The following TMPRSS6 variants were observed in gnomAD, a reference collection of about 807,000 sequenced individuals.
TMPRSS6 encodes transmembrane serine protease 6.
Under a neutral mutation model 101.5 loss-of-function variants are expected in TMPRSS6, and 67 were observed. The observed-to-expected ratio is 0.66, with a 90% CI of 0.54 to 0.81. The LOEUF (loss-of-function observed/expected upper bound fraction) is 0.81, where lower values mean the gene tolerates loss of function less well. Ranked by LOEUF, TMPRSS6 falls within the 30% of genes least tolerant of loss-of-function variation. The probability of loss-of-function intolerance (pLI) is 0.00; values close to 1 mark genes in which losing one functional copy is unlikely to be tolerated. For synonymous variants in TMPRSS6, 453 were observed against 464.9 expected, an observed-to-expected ratio of 0.97 and a Z score of 0.33; for missense variants, 1,034 against 1,088.7, an observed-to-expected ratio of 0.95 and a Z score of 0.71.
In TMPRSS6 at chr22:37,095,941, T is replaced by G; in HGVS notation, c.554A>C (p.Glu185Ala). The G allele has an allele frequency of 6.2e-7, 1 of 1,614,162 alleles. No individual in the cohort carries two copies. The highest frequency in any genetic ancestry group is 8.5e-7 in the Non-Finnish European group (1 of 1,180,032). ...NSSAAVPYRA[E>A]YEVDPEGLVI... ...TAGGCCCTCGGGGTCCACTTCGTAC[T>G]CGGCCCTGTAGGGGACGGCAGCCGA... The change falls in exon 5 of 18, where the codon GAG becomes GCG. Residue 185 changes from glutamate to alanine, a missense_variant. Coordinates refer to ENST00000676104, the MANE Select transcript of TMPRSS6 (RefSeq NM_001374504.1).
intron 16 of TMPRSS6, 146 bp from the exon 17 acceptor site, chr22:37,067,108 C>T: frequency 3.4e-6 from 4 of 1,167,474 alleles, no homozygotes; most frequent in Non-Finnish European, 4.9e-6. Context: ...CGCACCTGCC[C>T]CTCTGCCTCC....
At chr22:37,109,198 G>A (rs920595494) in intron 1 of TMPRSS6, 1 of 152,382 alleles carries the variant, frequency 6.6e-6, no homozygotes, top group Non-Finnish European at 1.5e-5. Context: ...CGAGGCAGGG[G>A]TAGGGTGGCC....
intron 10 of TMPRSS6, chr22:37,082,924 C>A (rs1928380624): frequency 4.3e-6 from 2 of 460,494 alleles, no homozygotes; most frequent in Admixed American, 2.5e-5. Context: ...TGTCATTCTT[C>A]GTCACCTTTT....
At chr22:37,070,001 G>A (rs1007756546) in intron 15 of TMPRSS6, among the ~76,000 whole-genome samples, 1 of 152,158 alleles carries the variant, frequency 6.6e-6, no homozygotes, top group South Asian at 2.1e-4. Flanking sequence ...GATCTGTCTG[G>A]GGGTGGATTG....
chr22:37,108,208 C>T (rs890966915), intron 1 of TMPRSS6, among the ~76,000 whole-genome samples: 3 of 152,180 alleles, frequency 2.0e-5, no homozygotes, highest in African/African-American at 4.8e-5. Context: ...GACCTTGAGC[C>T]CTGTCAGTGC....
chr22:37,102,204 T>C (rs144472039), intron 2 of TMPRSS6, among the ~76,000 whole-genome samples: 2 of 152,356 alleles, frequency 1.3e-5, no homozygotes, highest in African/African-American at 4.8e-5. Flanking sequence ...ATGCTTCTGA[T>C]CACGCAGGCA....
At chr22:37,067,209 G>A (rs1287319327) in intron 16 of TMPRSS6, among the ~76,000 whole-genome samples, 3 of 152,204 alleles carry the variant, frequency 2.0e-5, no homozygotes, top group Non-Finnish European at 4.4e-5. Flanking sequence ...GGTGGCTCAT[G>A]CCTGTAATCC....
Position 37,103,609 on chromosome 22 carries a change from CGCACCAGAGGGCAG to C in TMPRSS6, c.-1-205_-1-192del. 3 of 1,607,908 alleles carry C rather than the reference CGCACCAGAGGGCAG, an allele frequency of 1.9e-6. No homozygotes were observed. The South Asian group carries it at 3.3e-5, about 18-fold the overall frequency. On this transcript the variant is annotated intron_variant, in intron 1 of 17. Coordinates refer to ENST00000676104, the MANE Select transcript of TMPRSS6 (RefSeq NM_001374504.1). This position sits in a 1 kb window ranked among gnomAD's most constrained non-coding sequence, Gnocchi z 4.4. ...GAGGGAAGTGCATCTCAGGTCAGCT[CGCACCAGAGGGCAG>C]GCACCAGAGCTGGACTGGGTCTGGC...
In TMPRSS6 at chr22:37,103,397, G is replaced by A; in HGVS notation, c.21C>T (p.Pro7=). 1 of 1,614,172 alleles carries A rather than the reference G, an allele frequency of 6.2e-7. No individual in the cohort carries two copies. The highest frequency in any genetic ancestry group is 8.5e-7 in the Non-Finnish European group (1 of 1,180,024). ...CGTCCCCCTGCCCGCCAGCCACCTG[G>A]GGGGCCTCGGCCACGGGCATCCTGC... MPVAEA[P]QVAGGQGDGG... is the part of the protein sequence containing the mutation. Residue 7 remains proline (P), a synonymous_variant, in exon 2 of 18, where the codon CCC becomes CCT. Coordinates refer to ENST00000676104, the MANE Select transcript of TMPRSS6 (RefSeq NM_001374504.1). The surrounding 1 kb of genome is among the most constrained non-coding windows in gnomAD (Gnocchi z 4.4).
chr22:37,076,463 G>A (rs1016927914), intron 10 of TMPRSS6, among the ~76,000 whole-genome samples: 12 of 152,148 alleles, frequency 7.9e-5, no homozygotes, highest in East Asian at 7.7e-4. Flanking sequence ...AGAAGATACC[G>A]TTGTTCAAAC....
chr22:37,093,927 G>T (rs1929502456), intron 6 of TMPRSS6, among the ~76,000 whole-genome samples: 1 of 152,020 alleles, frequency 6.6e-6, no homozygotes, highest in South Asian at 2.1e-4. Context: ...GGAGGCTGAA[G>T]CAGGAGAATT....
chr22:37,080,891 G>C (rs936252689), intron 10 of TMPRSS6, among the ~76,000 whole-genome samples: 3 of 152,276 alleles, frequency 2.0e-5, no homozygotes, highest in African/African-American at 7.2e-5. Flanking sequence ...GAGGCTCAGA[G>C]GGAAGAATCG....
Position 37,103,702 on chromosome 22 carries a change from G to T in TMPRSS6, c.-1-284C>A. ...GCTTCCCTATGGTCAGAGGACAGAC[G>T]GAGGTCTCAGTACCTAAACACCCAC... is the stretch of plus-strand genomic sequence containing the variant. On this transcript the variant is annotated intron_variant, in intron 1 of 17. Coordinates refer to ENST00000676104, the MANE Select transcript of TMPRSS6 (RefSeq NM_001374504.1). This position sits in a 1 kb window ranked among gnomAD's most constrained non-coding sequence, Gnocchi z 4.4. 2.0e-6 allele frequency: 2 copies of T among 998,618 alleles called. No individual in the cohort carries two copies. Among genetic ancestry groups the T allele is most frequent in the East Asian group, 2.5e-5 (1 of 39,710 alleles). 61.9% of individuals were successfully genotyped at this position (998,618 alleles called of 1,614,324 possible).
Position 37,070,960 on chromosome 22 carries a change from T to A in TMPRSS6, c.1628A>T (p.Asp543Val). 6.2e-7 allele frequency: 1 copy of A among 1,613,240 alleles called. No homozygotes were observed. The highest frequency in any genetic ancestry group is 8.5e-7 in the Non-Finnish European group (1 of 1,179,952). ...SCVKKPNPQC[D>V]GRPDCRDGSD... ...GCCGTCCCTGCAGTCGGGCCGCCCA[T>A]CACACTGCGGGTTGGGCTTCTTCAC... is the stretch of plus-strand genomic sequence containing the variant. Residue 543 changes from aspartate (D) to valine (V), a missense_variant, in exon 14 of 18, where the codon GAT (aspartate) becomes GTT (valine). Coordinates refer to ENST00000676104, the MANE Select transcript of TMPRSS6 (RefSeq NM_001374504.1).
At chr22:37,090,988 C>T (rs1929210462) in intron 6 of TMPRSS6, among the ~76,000 whole-genome samples, 1 of 152,034 alleles carries the variant, frequency 6.6e-6, no homozygotes, top group Non-Finnish European at 1.5e-5. Context: ...ACCATCATAC[C>T]CCACCCCCCT....
At position 37,066,011 on chromosome 22, in the gene TMPRSS6, C is replaced by T. The variant is rs1926242397; in HGVS notation, c.*69G>A. On this transcript the variant is annotated 3_prime_UTR_variant, in exon 18 of 18. Coordinates refer to ENST00000676104, the MANE Select transcript of TMPRSS6 (RefSeq NM_001374504.1). ...CACCCCCCGCCAGAATACTTGTCCC[C>T]CTGCTTGGCAGTTGCCCTGGGCTCT... The T allele has an allele frequency of 6.2e-7, 1 of 1,604,720 alleles. No homozygotes were observed.
intron 4 of TMPRSS6, 28 bp downstream of exon 4, chr22:37,096,620 G>C (rs544558975): frequency 1.9e-6 from 3 of 1,552,774 alleles, no homozygotes; most frequent in South Asian, 1.2e-5. Context: ...CTTCTTGCAG[G>C]AGCTGGTCAG....
chr22:37,085,354 C>T (rs1180066424), intron 8 of TMPRSS6, among the ~76,000 whole-genome samples: 1 of 152,196 alleles, frequency 6.6e-6, no homozygotes, highest in Non-Finnish European at 1.5e-5. Flanking sequence ...TCCCTCCCGC[C>T]TCGAGCCTGT....
At chr22:37,084,598 G>A in intron 9 of TMPRSS6, 129 bp downstream of exon 9, 1 of 881,854 alleles carries the variant, frequency 1.1e-6, no homozygotes, top group Non-Finnish European at 1.8e-6. Context: ...CTGGCAGGAT[G>A]TGTACCCAGG....
Sources: gnomAD v4.1 joint callset for allele counts (sites outside exome capture counted in the v4.1 genomes callset) on GRCh38, gnomAD v4.1.1 for gene constraint, Gnocchi (gnomAD v3.1) non-coding constraint, MANE v1.5 for transcripts, NCBI Gene and HGNC (gene_info 2026-07-23, HGNC 2026-07-21) for gene names.